GRK4: variants seen among roughly 807,000 people sequenced by gnomAD.
GRK4 encodes the protein G protein-coupled receptor kinase 2-like.
In GRK4, 73 loss-of-function variants were observed where a neutral mutation model predicts 77.9. That is an observed-to-expected ratio of 0.94 (90% confidence interval 0.78 to 1.14). The LOEUF is 1.14. Ranked by LOEUF, GRK4 falls within the 50% of genes most tolerant of loss-of-function variation. GRK4 has a pLI of 0.00. For synonymous variants in GRK4, 257 were observed against 254.4 expected (o/e 1.01, Z -0.10); for missense variants, 729 against 700.2 (o/e 1.04, Z -0.46).
chr4:3,028,980 C>T (rs1738387508), intron 11 of GRK4, among the ~76,000 whole-genome samples: 1 of 152,122 alleles, frequency 6.6e-6, no homozygotes, highest in Non-Finnish European at 1.5e-5. Flanking sequence ...CCATGTTGTC[C>T]AGGCTGGTCT....
At chr4:3,037,287 G>C (rs959405041) in intron 13 of GRK4, 87 bp from the exon 14 acceptor site, 67 of 1,352,770 alleles carry the variant, frequency 5.0e-5, no homozygotes, top group Non-Finnish European at 6.7e-5. Context: ...TTATGCGTCA[G>C]TTTGCTGGGC....
rs769832468 is a variant in GRK4, at chr4:3,035,297, C to T, written c.1270-89C>T. 51 of 1,333,368 alleles carry T rather than the reference C, an allele frequency of 3.8e-5. No homozygotes were observed. In the East Asian group the frequency reaches 7.1e-4, roughly 19 times the overall value. The allele number at this position is 1,333,368 out of a possible 1,614,324, so 82.6% of individuals were successfully genotyped here. ...GTTAGATGCACCTGCTCTGCCCTCCCGAGTCCTTTGGTTATTATTATGCAG... is the reference window on the plus strand; with the variant it reads ...GTTAGATGCACCTGCTCTGCCCTCCTGAGTCCTTTGGTTATTATTATGCAG... On this transcript the variant is annotated intron_variant, in intron 12 of 15. Coordinates refer to ENST00000398052, the MANE Select transcript of GRK4 (RefSeq NM_182982.3).
chr4:3,024,232 C>T (rs1331790407), intron 10 of GRK4, among the ~76,000 whole-genome samples: 5 of 152,110 alleles, frequency 3.3e-5, no homozygotes, highest in Non-Finnish European at 7.3e-5. Flanking sequence ...CCTCTGATGC[C>T]GATGACCACA....
chr4:3,001,965 A>G (rs1041267532), intron 4 of GRK4, among the ~76,000 whole-genome samples: 1 of 152,182 alleles, frequency 6.6e-6, no homozygotes, highest in Non-Finnish European at 1.5e-5. Flanking sequence ...TGGTTTTGTC[A>G]TGTGTTTCCT....
chr4:2,964,080 G>A lies in GRK4; in HGVS notation c.10G>A (p.Glu4Lys). 6.2e-7 allele frequency: 1 copy of A among 1,609,354 alleles called. No individual in the cohort carries two copies. Among genetic ancestry groups the A allele is most frequent in the South Asian group, 1.1e-5 (1 of 90,318 alleles). Residue 4 changes from glutamate to lysine, a missense_variant, in exon 1 of 16, where the codon GAG becomes AAG. By Grantham distance (56) the Glu-to-Lys change is moderately conservative. Coordinates refer to ENST00000398052, the MANE Select transcript of GRK4 (RefSeq NM_182982.3). ...GCGGCGGCGCCAGGACATGGAGCTC[G>A]AGAACATCGTGGCCAACTCGCTGCT... MELENIVANSLLLK... is the reference protein window; with the variant it reads MELKNIVANSLLLK...
intron 13 of GRK4, among the ~76,000 whole-genome samples, chr4:3,036,353 G>A (rs1740636413): frequency 1.3e-5 from 2 of 152,226 alleles, no homozygotes; most frequent in East Asian, 3.9e-4. Flanking sequence ...GGCGGGGCCT[G>A]CCGGTCCACT....
At chr4:2,977,143 G>T (rs1272246991) in intron 1 of GRK4, among the ~76,000 whole-genome samples, 1 of 152,118 alleles carries the variant, frequency 6.6e-6, no homozygotes, top group African/African-American at 2.4e-5. Context: ...CTCTCTAAAG[G>T]CCCAAATTTC....
intron 14 of GRK4, among the ~76,000 whole-genome samples, chr4:3,037,959 A>G (rs956268681): frequency 4.6e-5 from 7 of 151,626 alleles, no homozygotes; most frequent in African/African-American, 1.5e-4. Context: ...TTTTGACCAC[A>G]GGACTAGACC....
chr4:2,985,332 C>T (rs1723982014), intron 2 of GRK4, among the ~76,000 whole-genome samples: 1 of 149,920 alleles, frequency 6.7e-6, no homozygotes, highest in African/African-American at 2.5e-5. Flanking sequence ...AACCGGGAGG[C>T]GGAGCTTGCA....
chr4:2,993,543 G>A (rs1726909666), intron 4 of GRK4, among the ~76,000 whole-genome samples: 1 of 152,198 alleles, frequency 6.6e-6, no homozygotes, highest in Middle Eastern at 3.4e-3. Flanking sequence ...GCGTGGTGGT[G>A]CATGCCTGTA....
At chr4:3,001,050 G>A (rs1199276905) in intron 4 of GRK4, among the ~76,000 whole-genome samples, 1 of 135,650 alleles carries the variant, frequency 7.4e-6, no homozygotes, top group African/African-American at 3.0e-5. Flanking sequence ...CCATCAGGGT[G>A]GTGGTTGTAG....
intron 4 of GRK4, among the ~76,000 whole-genome samples, chr4:3,003,485 C>T (rs1199682331): frequency 1.3e-5 from 2 of 151,864 alleles, no homozygotes; most frequent in Admixed American, 6.6e-5. Context: ...GTCACCATGC[C>T]GGCCGTGACT....
chr4:2,973,791 T>C (rs1244858821), intron 1 of GRK4, among the ~76,000 whole-genome samples: 1 of 152,180 alleles, frequency 6.6e-6, no homozygotes, highest in African/African-American at 2.4e-5. Flanking sequence ...CTATTAAAAT[T>C]TAAGCCAGAT....
intron 4 of GRK4, among the ~76,000 whole-genome samples, chr4:2,995,915 T>C (rs34036158): frequency 0.012 from 1,816 of 152,316 alleles, 15 homozygotes; most frequent in Non-Finnish European, 0.019. Flanking sequence ...ATATAAGTTA[T>C]GGTGTCCAGT....
intron 13 of GRK4, among the ~76,000 whole-genome samples, chr4:3,036,529 G>A (rs1267890491): frequency 6.6e-6 from 1 of 152,260 alleles, no homozygotes; most frequent in Non-Finnish European, 1.5e-5. Context: ...ATGAGCAGAT[G>A]AGGGTCCCAC....
intron 4 of GRK4, among the ~76,000 whole-genome samples, chr4:2,997,137 A>G (rs1294045152): frequency 6.6e-6 from 1 of 152,202 alleles, no homozygotes; most frequent in Non-Finnish European, 1.5e-5. Flanking sequence ...AGTCACTCAG[A>G]CATTGTTAGT....
chr4:3,039,988 A>G (rs938122690), intron 15 of GRK4, among the ~76,000 whole-genome samples: 3 of 152,178 alleles, frequency 2.0e-5, no homozygotes, highest in Admixed American at 2.0e-4. Flanking sequence ...TTCTCCCCAC[A>G]CTGCTTCTTA....
At chr4:2,994,157 G>T (rs1241352783) in intron 4 of GRK4, among the ~76,000 whole-genome samples, 2 of 152,186 alleles carry the variant, frequency 1.3e-5, no homozygotes, top group Non-Finnish European at 2.9e-5. Flanking sequence ...GTACCCCCAG[G>T]ACACTAGTTA....
intron 10 of GRK4, among the ~76,000 whole-genome samples, chr4:3,026,544 A>G (rs1365827449): frequency 6.6e-6 from 1 of 152,236 alleles, no homozygotes; most frequent in East Asian, 1.9e-4. Flanking sequence ...AGCCTGGGCA[A>G]CATGACCAAA....
Sources: gnomAD v4.1 joint callset for allele counts (sites outside exome capture counted in the v4.1 genomes callset) on GRCh38, gnomAD v4.1.1 for gene constraint, MANE v1.5 for transcripts, NCBI Gene and HGNC (gene_info 2026-07-23, HGNC 2026-07-21) for gene names.